ATR: variants seen among roughly 807,000 people sequenced by gnomAD.
The protein encoded by ATR is serine/threonine-protein kinase ATR.
In ATR, 142 loss-of-function variants were observed where a neutral mutation model predicts 305.3. The ratio of observed to expected loss-of-function variants is 0.47; its 90% CI spans 0.41 to 0.53. The LOEUF (loss-of-function observed/expected upper bound fraction) is 0.53. Ranked by LOEUF, ATR falls within the 20% of genes least tolerant of loss-of-function variation. The probability of loss-of-function intolerance (pLI) is 0.00; values close to 1 mark genes in which losing one functional copy is unlikely to be tolerated. For synonymous variants in ATR, 1,050 were observed against 1,068.1 expected (o/e 0.98, Z 0.33); for missense variants, 2,135 against 3,133.1 (o/e 0.68, Z 7.60).
chr3:142,458,840 C>G, intron 44 of ATR, 118 bp downstream of exon 44: 1 of 1,199,454 alleles, frequency 8.3e-7, no homozygotes, highest in Middle Eastern at 2.3e-4. Context: ...AACAAATTCT[C>G]AGTATAACTC....
chr3:142,542,755 A>G lies in ATR; in HGVS notation c.3360T>C (p.Ala1120=), dbSNP rs1272023063. 1 of 1,607,660 alleles carries G rather than the reference A, an allele frequency of 6.2e-7. No homozygotes were observed. The highest frequency in any genetic ancestry group is 8.5e-7 in the Non-Finnish European group (1 of 1,174,872). The part of the protein sequence containing the change: ...PRDIISPELM[A]DYLQPKLLGI... ...CCAACAATTTGGGTTGTAAATAATC[A>G]GCCTAAGAAATAAAAACAGATAATA... The change falls in exon 17 of 47, where the codon GCT becomes GCC. Residue 1120 remains alanine (A), a splice_region_variant and synonymous_variant. Coordinates refer to ENST00000350721, the MANE Select transcript of ATR (RefSeq NM_001184.4).
intron 40 of ATR, 144 bp from the exon 41 acceptor site, chr3:142,465,384 T>C (rs945912914): frequency 1.0e-5 from 6 of 598,930 alleles, no homozygotes; most frequent in African/African-American, 7.5e-5. Context: ...AAAAATCTTT[T>C]ATTTTAATTA....
chr3:142,452,683 A>ACC lies in ATR; in HGVS notation c.7761+444_7761+445insGG, dbSNP rs1559902024. On this transcript the variant is annotated intron_variant, in intron 46 of 46. Transcript: ENST00000350721. ...AGCGAGACTCTGTCTCAAAAACAAC[A>ACC]ACCACCACCACCACCACAACAACAA... The ACC allele has an allele frequency of 3.1e-4, 323 of 1,035,480 alleles. 1 individual carries two copies. The highest frequency in any genetic ancestry group is 2.9e-3 in the Middle Eastern group (6 of 2,092). The allele number at this position is 1,035,480 out of a possible 1,614,324, so 64.1% of individuals were successfully genotyped here. A position where few individuals can be genotyped will look rare whatever the true frequency, so the allele number is the denominator to read the frequency against.
At chr3:142,462,171 G>A in intron 41 of ATR, 81 bp from the exon 42 acceptor site, 1 of 1,364,980 alleles carries the variant, frequency 7.3e-7, no homozygotes. Context: ...TTTAAAGATT[G>A]TTCATTTCAT....
intron 27 of ATR, among the ~76,000 whole-genome samples, chr3:142,508,840 C>T (rs2032392697): frequency 6.7e-6 from 1 of 148,374 alleles, no homozygotes; most frequent in African/African-American, 2.5e-5. Flanking sequence ...AGGAGAATGG[C>T]GTGAACCTGG....
intron 21 of ATR, among the ~76,000 whole-genome samples, chr3:142,526,685 T>C (rs796929645): frequency 3.3e-5 from 5 of 152,274 alleles, no homozygotes; most frequent in African/African-American, 1.2e-4. Flanking sequence ...ATTTTCTCTT[T>C]AGATCTATTA....
chr3:142,578,417 C>G (rs796810099), intron 1 of ATR, among the ~76,000 whole-genome samples: 46 of 152,358 alleles, frequency 3.0e-4, no homozygotes, highest in African/African-American at 9.9e-4. Context: ...GCAGACGCCT[C>G]TCTCCCCCAC....
At position 142,538,192 on chromosome 3, in the gene ATR, C is replaced by A. The variant is rs1164611710; in HGVS notation, c.3725+290G>T. ...CTTTCTCATGCTATTCAACTATCTG[C>A]CTTTTGACTGTGAAAAGAAAGGTAA... On this transcript the variant is annotated intron_variant, in intron 19 of 46. Coordinates refer to ENST00000350721, the MANE Select transcript of ATR (RefSeq NM_001184.4). 2.0e-5 allele frequency among the ~76,000 whole-genome samples: 3 copies of A among 152,068 alleles called. No homozygotes were observed. The East Asian group carries it at 5.8e-4, about 29-fold the overall frequency.
chr3:142,503,405 G>T lies in ATR; in HGVS notation c.5245C>A (p.Leu1749Met). Reference sequence around the variant, plus strand: ...TTCACCTGAGTGATAACAGTAGACAGCTGACCAAGACCTAACATGGACTTT... The same window carrying T: ...TTCACCTGAGTGATAACAGTAGACATCTGACCAAGACCTAACATGGACTTT... ...VVKSMLGLGQ[L>M]STVITQVNGV... is the part of the protein sequence containing the mutation. The change falls in exon 30 of 47, where the codon CTG (leucine) becomes ATG (methionine). Residue 1749 changes from leucine (L) to methionine (M), a missense_variant. Transcript: ENST00000350721. 6.2e-7 allele frequency: 1 copy of T among 1,608,812 alleles called. No individual in the cohort carries two copies. Among genetic ancestry groups the T allele is most frequent in the Non-Finnish European group, 8.5e-7 (1 of 1,175,502 alleles).
rs570074623 is a variant in ATR at position 142,533,935 on chromosome 3, A to T, written c.3945+1145T>A. Among the ~76,000 whole-genome samples the T allele has an allele frequency of 5.3e-5, 8 of 151,350 alleles. No individual in the cohort carries two copies. The South Asian group carries it at 1.2e-3, about 24-fold the overall frequency. Reference sequence around the variant, plus strand: ...AGTGAGGCAGCTGCAGCTTTCCTTAAGACTGTAAGAAATCTTCTTGAATTC... The same window carrying T: ...AGTGAGGCAGCTGCAGCTTTCCTTATGACTGTAAGAAATCTTCTTGAATTC... On this transcript the variant is annotated intron_variant, in intron 21 of 46. Coordinates refer to ENST00000350721, the MANE Select transcript of ATR (RefSeq NM_001184.4).
At chr3:142,479,982 A>G (rs2030298919) in intron 36 of ATR, among the ~76,000 whole-genome samples, 2 of 152,120 alleles carry the variant, frequency 1.3e-5, no homozygotes, top group South Asian at 4.1e-4. Flanking sequence ...CTAGTCAGCC[A>G]TTCGTCTAAT....
rs370058763 is a variant in ATR, at chr3:142,561,369, A to G, written c.1223T>C (p.Ile408Thr). ...TTGAGTTTGGCATTGAATCTCCTCA[A>G]TGATTTCCATACTTTCCATTTTCAA... ...AALKMESMEI[I>T]EEIQCQTQQE... Residue 408 changes from isoleucine to threonine, a missense_variant, in exon 5 of 47, where the codon ATT becomes ACT. Physicochemically the swap from Ile to Thr is moderately conservative, Grantham distance 89. Around this residue, in one of 9 missense-constraint regions of ATR, gnomAD observed 744 missense variants for 873.2 expected, o/e 0.85. Transcript: ENST00000350721. 4 of 1,614,112 alleles carry G rather than the reference A, an allele frequency of 2.5e-6. No homozygotes were observed. The highest frequency in any genetic ancestry group is 4.5e-5 in the East Asian group (2 of 44,870).
chr3:142,494,494 C>T (rs558556378), intron 34 of ATR, among the ~76,000 whole-genome samples: 1 of 152,116 alleles, frequency 6.6e-6, no homozygotes, highest in Non-Finnish European at 1.5e-5. Context: ...TTAAACCTAC[C>T]TGAAGAATAT....
chr3:142,542,806 CTTAAG>C (rs2034102150), intron 16 of ATR, 49 bp from the exon 17 acceptor site: 11 of 1,390,348 alleles, frequency 7.9e-6, no homozygotes, highest in Non-Finnish European at 1.1e-5. Flanking sequence ...GATTGAATTT[CTTAAG>C]TTGACATTTT....
chr3:142,508,624 A>G (rs896366659), intron 27 of ATR, among the ~76,000 whole-genome samples: 6 of 152,126 alleles, frequency 3.9e-5, no homozygotes, highest in African/African-American at 9.7e-5. Context: ...ACCTATTACA[A>G]TAGAAATTGA....
intron 46 of ATR, chr3:142,450,457 A>G: frequency 6.2e-7 from 1 of 1,600,798 alleles, no homozygotes; most frequent in Non-Finnish European, 8.5e-7. Context: ...CCACAGAGCT[A>G]TTACTCACTT....
chr3:142,534,995 A>C, intron 21 of ATR, 85 bp downstream of exon 21: 1 of 1,444,152 alleles, frequency 6.9e-7, no homozygotes, highest in Non-Finnish European at 9.4e-7. Context: ...ACTAAATCTC[A>C]AACAAAAATG....
intron 27 of ATR, among the ~76,000 whole-genome samples, chr3:142,509,012 A>C (rs1048749334): frequency 2.0e-5 from 3 of 151,986 alleles, no homozygotes; most frequent in Non-Finnish European, 2.9e-5. Flanking sequence ...TCAAGAGTGT[A>C]CAAAAAGACA....
intron 17 of ATR, among the ~76,000 whole-genome samples, chr3:142,542,173 C>T (rs780575475): frequency 1.3e-5 from 2 of 152,180 alleles, no homozygotes; most frequent in Non-Finnish European, 2.9e-5. Flanking sequence ...CCATGACCCA[C>T]ACCAGACCAA....
Sources: allele counts gnomAD v4.1 joint callset (sites outside exome capture counted in the v4.1 genomes callset), GRCh38; gene constraint gnomAD v4.1.1; regional missense constraint gnomAD v4.1.1; transcripts MANE v1.5; gene names NCBI Gene and HGNC (gene_info 2026-07-23, HGNC 2026-07-21).